The following FNBP4 variants were observed in gnomAD, a reference collection of about 807,000 sequenced individuals.
FNBP4 encodes the protein formin binding protein 4, also known as formin-binding protein 4.
FNBP4 carries 34 observed loss-of-function variants against 119.3 expected under a neutral mutation model. That is an observed-to-expected ratio of 0.28 (90% CI 0.22 to 0.38). FNBP4 has a LOEUF of 0.38. FNBP4 is among the 10% of genes least tolerant of loss of function. The pLI is 1.00. For missense variants in FNBP4, 1,112 were observed against 1,228.9 expected, an observed-to-expected ratio of 0.90 and a Z score of 1.42; for synonymous variants, 462 against 430.6, an observed-to-expected ratio of 1.07 and a Z score of -0.90.
At chr11:47,759,908 G>T (rs7108479) in intron 2 of FNBP4, among the ~76,000 whole-genome samples, 52,638 of 152,114 alleles carry the variant, frequency 0.35, 10,560 homozygotes, top group South Asian at 0.52. Flanking sequence ...AGCCGAGGCT[G>T]TGCCATTGCA....
chr11:47,724,598 G>A lies in FNBP4; in HGVS notation c.2189C>T (p.Pro730Leu). Reference protein sequence around the residue: ...ESPPPPPPPPPPAEDGEIQEV... With the variant: ...ESPPPPPPPPLPAEDGEIQEV... ...CTGGATCTCACCATCTTCCGCAGGA[G>A]GAGGTGGTGGAGGAGGGGGTGGAGG... is the stretch of plus-strand genomic sequence containing the variant. Residue 730 changes from proline to leucine, a missense_variant, in exon 13 of 17, where the codon CCT becomes CTT. By Grantham distance (98) the Pro-to-Leu change is moderately conservative. Around this residue, in one of 2 missense-constraint regions of FNBP4, gnomAD observed 826 missense variants for 988.8 expected, o/e 0.84. Transcript: ENST00000263773. 2 of 1,614,108 alleles carry A rather than the reference G, an allele frequency of 1.2e-6. No homozygotes were observed. Among genetic ancestry groups the A allele is most frequent in the African/African-American group, 1.3e-5 (1 of 75,018 alleles).
At chr11:47,751,614 C>T (rs2097604236) in intron 4 of FNBP4, among the ~76,000 whole-genome samples, 1 of 152,132 alleles carries the variant, frequency 6.6e-6, no homozygotes, top group Non-Finnish European at 1.5e-5. Flanking sequence ...GAATTATTTT[C>T]TCAATATCTA....
chr11:47,756,400 G>C (rs952352586), intron 2 of FNBP4, among the ~76,000 whole-genome samples: 1 of 152,114 alleles, frequency 6.6e-6, no homozygotes, highest in Admixed American at 6.6e-5. Flanking sequence ...ATCTAGTTTT[G>C]TGTGTCATAC....
In FNBP4 at chr11:47,717,771, G is replaced by A. The variant is rs139456775; in HGVS notation, c.2964-259C>T. ...TTATTTATTATTGACTGATTGAGACGGAATTTTGCTCTTGTTGCCCAGTCT... is the reference window on the plus strand; with the variant it reads ...TTATTTATTATTGACTGATTGAGACAGAATTTTGCTCTTGTTGCCCAGTCT... On this transcript the variant is annotated intron_variant, in intron 16 of 16. Coordinates refer to ENST00000263773, the MANE Select transcript of FNBP4 (RefSeq NM_015308.5). Among the ~76,000 whole-genome samples, 497 of 152,176 alleles carry A rather than the reference G, an allele frequency of 3.3e-3. 1 individual carries two copies. The highest frequency in any genetic ancestry group is 0.01 in the Middle Eastern group (3 of 294).
At chr11:47,760,693 C>T (rs930971434) in intron 2 of FNBP4, among the ~76,000 whole-genome samples, 2 of 152,216 alleles carry the variant, frequency 1.3e-5, no homozygotes, top group African/African-American at 4.8e-5. Flanking sequence ...TTCAGGCTCC[C>T]AAAGTGCTGG....
intron 1 of FNBP4, 23 bp downstream of exon 1, chr11:47,767,020 TAGGCCGCAAGCCCTGAGCTCGAGTTC>T (rs1565174906): frequency 1.2e-5 from 18 of 1,506,876 alleles, no homozygotes; most frequent in Middle Eastern, 2.3e-4. Context: ...GTGAGGAGCC[TAGGCCGCAAGCCCTGAGCTCGAGTTC>T]AGGTCCCCCC....
At chr11:47,721,395 C>G (rs2097555496) in intron 15 of FNBP4, among the ~76,000 whole-genome samples, 1 of 152,006 alleles carries the variant, frequency 6.6e-6, no homozygotes, top group Non-Finnish European at 1.5e-5. Context: ...AGTTTGAGAC[C>G]AGCCTGGCCA....
intron 7 of FNBP4, among the ~76,000 whole-genome samples, chr11:47,745,749 G>A (rs1478473841): frequency 3.9e-5 from 6 of 151,974 alleles, no homozygotes; most frequent in African/African-American, 7.3e-5. Context: ...CACCCCCGGC[G>A]GCCCAGCTGT....
chr11:47,752,671 A>C, intron 4 of FNBP4: 1 of 359,184 alleles, frequency 2.8e-6, no homozygotes, highest in Non-Finnish European at 5.1e-6. Flanking sequence ...GAAATTAGCC[A>C]GGCATGGCAG....
At chr11:47,727,124 G>GT (rs1565124485) in intron 12 of FNBP4, 1 of 152,114 alleles carries the variant, frequency 6.6e-6, no homozygotes, top group African/African-American at 2.4e-5. Flanking sequence ...TAATAATGTG[G>GT]TTTATGACCT....
intron 12 of FNBP4, chr11:47,725,931 T>A: frequency 3.8e-6 from 1 of 266,528 alleles, no homozygotes; most frequent in Non-Finnish European, 5.8e-6. Context: ...AGGAACTAAC[T>A]TGCCCAAGAT....
intron 8 of FNBP4, 51 bp downstream of exon 8, chr11:47,743,902 C>T (rs2097585763): frequency 1.6e-6 from 2 of 1,286,054 alleles, no homozygotes; most frequent in African/African-American, 1.5e-5. Context: ...CAAGAGTTTC[C>T]TTCCCCTCTA....
chr11:47,733,611 G>C (rs2097570158), intron 10 of FNBP4, among the ~76,000 whole-genome samples: 1 of 152,156 alleles, frequency 6.6e-6, no homozygotes, highest in South Asian at 2.1e-4. Context: ...TGGGATTACA[G>C]GTGTGAGCCA....
In FNBP4 at chr11:47,767,289, C is replaced by G; in HGVS notation, c.-1G>C. 1 of 1,513,454 alleles carries G rather than the reference C, an allele frequency of 6.6e-7. No homozygotes were observed. The highest frequency in any genetic ancestry group is 1.2e-5 in the South Asian group (1 of 80,274). The allele number at this position is 1,513,454 out of a possible 1,614,324, so 93.8% of individuals were successfully genotyped here. On this transcript the variant is annotated 5_prime_UTR_variant, in exon 1 of 17. Coordinates refer to ENST00000263773, the MANE Select transcript of FNBP4 (RefSeq NM_015308.5). ...GTACCGCCCGGGACTTCTTCCCCATCGCGAGCCCAAGCGCGAGCAGAGAGC... is the reference window on the plus strand; with the variant it reads ...GTACCGCCCGGGACTTCTTCCCCATGGCGAGCCCAAGCGCGAGCAGAGAGC...
At chr11:47,751,777 C>A (rs1406339338) in intron 4 of FNBP4, among the ~76,000 whole-genome samples, 3 of 151,996 alleles carry the variant, frequency 2.0e-5, no homozygotes, top group Non-Finnish European at 1.5e-5. Context: ...CATGCAGAAA[C>A]CCTGTCTCTA....
intron 12 of FNBP4, chr11:47,726,794 A>G (rs2097561567): frequency 6.6e-6 from 1 of 152,256 alleles, no homozygotes; most frequent in Non-Finnish European, 1.5e-5. Flanking sequence ...GTTGAGGACT[A>G]ACTTAATTAT....
At chr11:47,765,502 A>AT (rs1248929845) in intron 1 of FNBP4, 140 bp from the exon 2 acceptor site, 3 of 453,174 alleles carry the variant, frequency 6.6e-6, no homozygotes, top group Middle Eastern at 7.1e-4. Context: ...GATTCCATCA[A>AT]TTTTTTAAAA....
At chr11:47,736,360 G>A (rs1256110395) in intron 9 of FNBP4, among the ~76,000 whole-genome samples, 2 of 151,838 alleles carry the variant, frequency 1.3e-5, no homozygotes, top group African/African-American at 4.8e-5. Context: ...GTTCGAGACC[G>A]GCCTGGCCAA....
chr11:47,745,896 C>T (rs1032034362), intron 7 of FNBP4, among the ~76,000 whole-genome samples, 160 bp downstream of exon 7: 3 of 152,152 alleles, frequency 2.0e-5, no homozygotes, highest in Non-Finnish European at 4.4e-5. Context: ...AAAAAACCTA[C>T]ACCTCTGTAG....
Sources: gnomAD v4.1 joint callset for allele counts (sites outside exome capture counted in the v4.1 genomes callset) on GRCh38, gnomAD v4.1.1 for gene constraint, gnomAD v4.1.1 regional missense constraint, MANE v1.5 for transcripts, NCBI Gene and HGNC (gene_info 2026-07-23, HGNC 2026-07-21) for gene names.